The following LRRC9 variants were observed in gnomAD, a reference collection of about 807,000 sequenced individuals.
LRRC9 encodes leucine rich repeat containing 9, also known as leucine-rich repeat-containing protein 9.
Under a neutral mutation model 63.2 loss-of-function variants are expected in LRRC9, and 122 were observed. The ratio of observed to expected loss-of-function variants is 1.93; its 90% confidence interval spans 1.67 to 2.24. The LOEUF (loss-of-function observed/expected upper bound fraction) is 2.24, where lower values mean the gene tolerates loss of function less well. Among genes scored for constraint, LRRC9 ranks in the 30% most tolerant of loss-of-function variants. The pLI, the probability that LRRC9 is intolerant of heterozygous loss-of-function variation, is 0.00. For synonymous variants in LRRC9, 366 were observed against 213.1 expected (o/e 1.72, Z -6.25); for missense variants, 1,071 against 627.7 (o/e 1.71, Z -7.55).
chr14:60,011,882 C>G (rs530445590), intron 23 of LRRC9, among the ~76,000 whole-genome samples: 58 of 152,292 alleles, frequency 3.8e-4, no homozygotes, highest in African/African-American at 1.4e-3. Flanking sequence ...GACAGAAGAT[C>G]ATCTGACTGG....
At chr14:60,006,519 A>C in exon 22 of LRRC9, 1 of 702,016 alleles carries the variant, frequency 1.4e-6, no homozygotes, top group Non-Finnish European at 2.6e-6. Context: ...GAACAACAGA[A>C]TCACTTCATT....
intron 29 of LRRC9, among the ~76,000 whole-genome samples, chr14:60,049,253 C>T (rs913315224): frequency 2.6e-5 from 4 of 152,018 alleles, no homozygotes; most frequent in African/African-American, 7.2e-5. Context: ...AGACCATTTG[C>T]GTTTAAGGTT....
intron 8 of LRRC9, among the ~76,000 whole-genome samples, chr14:59,955,507 A>G (rs747659415): frequency 2.0e-5 from 3 of 151,732 alleles, no homozygotes; most frequent in Non-Finnish European, 2.9e-5. Flanking sequence ...TATCATTTTT[A>G]TTGTTCTATT....
rs1889588032 is a variant in LRRC9 at position 59,930,300 on chromosome 14, T to C, written c.268-618T>C. Among the ~76,000 whole-genome samples the C allele has an allele frequency of 6.6e-6, 1 of 151,898 alleles. No individual in the cohort carries two copies. The highest frequency in any genetic ancestry group is 2.1e-4 in the South Asian group (1 of 4,818). On this transcript the variant is annotated intron_variant, in intron 3 of 31. Coordinates refer to ENST00000445360, the Ensembl canonical transcript of LRRC9. This position sits in a 1 kb window ranked among gnomAD's most constrained non-coding sequence, Gnocchi z 4.9. The stretch of plus-strand genomic sequence containing the variant: ...ACAGAAATGCACAGGGCATACGTTT[T>C]GTCTTAGAAGTCCCTACACTAAGAT...
At chr14:60,008,376 A>G (rs1889986245) in intron 23 of LRRC9, among the ~76,000 whole-genome samples, 162 bp downstream of exon 23, 1 of 152,038 alleles carries the variant, frequency 6.6e-6, no homozygotes, top group African/African-American at 2.4e-5. Flanking sequence ...TGGGTTTTTT[A>G]ATTTTGTCAT....
intron 29 of LRRC9, among the ~76,000 whole-genome samples, chr14:60,034,503 C>A (rs114456921): frequency 0.013 from 1,929 of 152,034 alleles, 45 homozygotes; most frequent in African/African-American, 0.045. Flanking sequence ...CTCTCATCCC[C>A]GCTCCCCGTC....
chr14:59,947,516 A>T (rs1350058346), intron 8 of LRRC9, among the ~76,000 whole-genome samples: 1 of 131,352 alleles, frequency 7.6e-6, no homozygotes, highest in Non-Finnish European at 1.6e-5. Flanking sequence ...CTTTAATTAG[A>T]TCCCATTTGT....
rs568609248 is a variant in LRRC9, at chr14:59,997,036, A to G, written c.2212-620A>G. Among the ~76,000 whole-genome samples the G allele has an allele frequency of 1.1e-4, 17 of 152,266 alleles. No homozygotes were observed. In the South Asian group the frequency reaches 3.3e-3, roughly 30 times the overall value. On this transcript the variant is annotated intron_variant, in intron 17 of 31. Coordinates refer to ENST00000445360, the Ensembl canonical transcript of LRRC9. ...AAATGTTAAAAGGATACAAAATTATATATGTTTTACATAAGAAAAAATATG... is the reference window on the plus strand; with the variant it reads ...AAATGTTAAAAGGATACAAAATTATGTATGTTTTACATAAGAAAAAATATG...
At chr14:60,028,125 T>C (rs1274058797) in intron 28 of LRRC9, 24 bp downstream of exon 28, 1 of 676,640 alleles carries the variant, frequency 1.5e-6, no homozygotes, top group Non-Finnish European at 2.7e-6. Context: ...TTTTTTATTA[T>C]GGGATTTACA....
At chr14:59,943,454 G>A (rs1882007282) in intron 7 of LRRC9, among the ~76,000 whole-genome samples, 1 of 151,026 alleles carries the variant, frequency 6.6e-6, no homozygotes, top group Admixed American at 6.6e-5. Context: ...ATTTCCTATT[G>A]TCTCCAAATA....
intron 29 of LRRC9, among the ~76,000 whole-genome samples, chr14:60,049,576 G>GC (rs1376058643): frequency 6.6e-6 from 1 of 152,104 alleles, no homozygotes; most frequent in Non-Finnish European, 1.5e-5. Flanking sequence ...TTGAACATTG[G>GC]CCCCCAGTCT....
chr14:59,996,521 A>G (rs1349590304), intron 17 of LRRC9, among the ~76,000 whole-genome samples: 1 of 152,154 alleles, frequency 6.6e-6, no homozygotes, highest in African/African-American at 2.4e-5. Context: ...AGTCTTAGAG[A>G]TTTTTTACAA....
intron 17 of LRRC9, among the ~76,000 whole-genome samples, chr14:59,992,302 C>T (rs1042389791): frequency 9.9e-5 from 15 of 152,060 alleles, no homozygotes; most frequent in African/African-American, 3.1e-4. Flanking sequence ...CACACCAAAA[C>T]CCCATCTGTA....
In LRRC9 at chr14:60,053,837, A is replaced by G. The variant is rs1395580544; in HGVS notation, c.4131+632A>G. 2 of 431,844 alleles carry G rather than the reference A, an allele frequency of 4.6e-6. No individual in the cohort carries two copies. Among genetic ancestry groups the G allele is most frequent in the African/African-American group, 2.1e-5 (1 of 48,226 alleles). The allele number at this position is 431,844 out of a possible 1,614,324, so 26.8% of individuals were successfully genotyped here. A position where few individuals can be genotyped will look rare whatever the true frequency, so the allele number is the denominator to read the frequency against. Reference sequence around the variant, plus strand: ...GTTTCTTCATGACCATCTTCTAAAGACTAAATTTAACACAGAAAATCTATG... The same window carrying G: ...GTTTCTTCATGACCATCTTCTAAAGGCTAAATTTAACACAGAAAATCTATG... On this transcript the variant is annotated intron_variant, in intron 30 of 31. Coordinates refer to ENST00000445360, the Ensembl canonical transcript of LRRC9. This position sits in a 1 kb window ranked among gnomAD's most constrained non-coding sequence, Gnocchi z 4.8.
Position 59,964,257 on chromosome 14 carries a change from G to A in LRRC9, c.1212-2332G>A, listed in dbSNP as rs931503485. ...TCTTCACCTACAGTAAAGGATCAGT[G>A]TTCTCCACTGTATAGTTTTAGACTA... On this transcript the variant is annotated intron_variant, in intron 10 of 31. Transcript: ENST00000445360. The surrounding 1 kb of genome is among the most constrained non-coding windows in gnomAD (Gnocchi z 4.4). Among the ~76,000 whole-genome samples the A allele has an allele frequency of 6.6e-6, 1 of 152,216 alleles. No individual in the cohort carries two copies. The highest frequency in any genetic ancestry group is 2.4e-5 in the African/African-American group (1 of 41,466).
At position 59,989,927 on chromosome 14, in the gene LRRC9, CT is replaced by C. The variant is rs71451089; in HGVS notation, c.2211+4720del. ...ATCCTCCACTTTAGTCTAGACCTTCCTTTTTTTTTTTTTTTTTGAGACGGAA... is the reference window on the plus strand; with the variant it reads ...ATCCTCCACTTTAGTCTAGACCTTCCTTTTTTTTTTTTTTTTGAGACGGAA... On this transcript the variant is annotated intron_variant, in intron 17 of 31. Coordinates refer to ENST00000445360, the Ensembl canonical transcript of LRRC9. Among the ~76,000 whole-genome samples, 153 of 132,316 alleles carry C rather than the reference CT, an allele frequency of 1.2e-3. 1 individual carries two copies. Among genetic ancestry groups the C allele is most frequent in the Admixed American group, 1.9e-3 (25 of 13,154 alleles). The allele number at this position is 132,316 out of a possible 152,430, so 86.8% of individuals were successfully genotyped here.
chr14:59,966,873 G>C lies in LRRC9; in HGVS notation c.1388+108G>C. ...TTAAAAATATACATATACCTTGTTAGTAAATGTTTCCTTTTTATGCATCTC... is the reference window on the plus strand; with the variant it reads ...TTAAAAATATACATATACCTTGTTACTAAATGTTTCCTTTTTATGCATCTC... On this transcript the variant is annotated intron_variant, in intron 11 of 31. Transcript: ENST00000445360. The surrounding 1 kb of genome is among the most constrained non-coding windows in gnomAD (Gnocchi z 4.0). The C allele has an allele frequency of 1.8e-6, 1 of 550,472 alleles. No homozygotes were observed. The highest frequency in any genetic ancestry group is 3.2e-6 in the Non-Finnish European group (1 of 307,768). 34.1% of individuals were successfully genotyped at this position (550,472 alleles called of 1,614,324 possible).
At chr14:60,062,154 T>C (rs1894695103) in intron 31 of LRRC9, 1 of 398,784 alleles carries the variant, frequency 2.5e-6, no homozygotes, top group Non-Finnish European at 4.4e-6. Context: ...TGCACAAATA[T>C]ACCAGAGCAA....
In LRRC9 at chr14:59,967,130, GT is replaced by G; in HGVS notation, c.1428del (p.Phe476LeufsTer7). The G allele has an allele frequency of 1.6e-6, 1 of 643,010 alleles. No individual in the cohort carries two copies. Among genetic ancestry groups the G allele is most frequent in the Non-Finnish European group, 2.9e-6 (1 of 343,114 alleles). The allele number at this position is 643,010 out of a possible 1,614,324, so 39.8% of individuals were successfully genotyped here. A position where few individuals can be genotyped will look rare whatever the true frequency, so the allele number is the denominator to read the frequency against. ...AAGGATGCTGGAATGCCTTTTTTATGTTTTTGATCCTGAAGTTTCAGTGAAG... is the reference window on the plus strand; with the variant it reads ...AAGGATGCTGGAATGCCTTTTTTATGTTTTGATCCTGAAGTTTCAGTGAAG... On this transcript the variant is annotated frameshift_variant, in exon 12 of 32. Transcript: ENST00000445360. LOFTEE classifies it high-confidence loss of function.
Sources: allele counts gnomAD v4.1 joint callset (sites outside exome capture counted in the v4.1 genomes callset), GRCh38; gene constraint gnomAD v4.1.1; non-coding constraint Gnocchi (gnomAD v3.1); transcripts MANE v1.5; gene names NCBI Gene and HGNC (gene_info 2026-07-23, HGNC 2026-07-21).